Variants in BCAT1 observed in about 807,000 individuals in gnomAD.
BCAT1 encodes branched-chain-amino-acid aminotransferase, cytosolic.
A neutral mutation model predicts 52.4 loss-of-function variants in BCAT1; 48 were observed. The observed-to-expected ratio is 0.92, with a 90% CI of 0.73 to 1.16. The LOEUF (loss-of-function observed/expected upper bound fraction) is 1.16, where lower values mean the gene tolerates loss of function less well. Among genes scored for constraint, BCAT1 ranks in the 50% most tolerant of loss-of-function variants. BCAT1 has a pLI of 0.00. For missense variants in BCAT1, 451 were observed against 457.1 expected, an observed-to-expected ratio of 0.99 and a Z score of 0.12; for synonymous variants, 167 against 161.3, an observed-to-expected ratio of 1.04 and a Z score of -0.27.
At chr12:24,933,358 T>C (rs1183816559) in intron 1 of BCAT1, among the ~76,000 whole-genome samples, 2 of 151,940 alleles carry the variant, frequency 1.3e-5, no homozygotes, top group African/African-American at 2.4e-5. Context: ...TGAGGCACAG[T>C]TTAATAACTT....
intron 5 of BCAT1, among the ~76,000 whole-genome samples, chr12:24,865,533 T>G (rs1314710782): frequency 6.6e-6 from 1 of 152,240 alleles, no homozygotes; most frequent in African/African-American, 2.4e-5. Flanking sequence ...AATTTACTAG[T>G]AACAGTTCTT....
Position 24,829,787 on chromosome 12 carries a change from AAAAGG to A in BCAT1, c.1119+31_1119+35del, listed in dbSNP as rs764210953. The A allele has an allele frequency of 2.8e-6, 4 of 1,453,896 alleles. No individual in the cohort carries two copies. The East Asian group carries it at 6.9e-5, about 25-fold the overall frequency. 90.1% of individuals were successfully genotyped at this position (1,453,896 alleles called of 1,614,324 possible). ...TAAGGTGACATAAAAAAAAGAAAAG[AAAAGG>A]AAAGAAAAGAAAAGAAAAGAAAAGC... On this transcript the variant is annotated intron_variant, in intron 10 of 10. Coordinates refer to ENST00000261192, the MANE Select transcript of BCAT1 (RefSeq NM_005504.7).
intron 5 of BCAT1, among the ~76,000 whole-genome samples, chr12:24,865,639 T>C (rs1404556355): frequency 6.6e-6 from 1 of 152,086 alleles, no homozygotes; most frequent in African/African-American, 2.4e-5. Context: ...GTATGTTATA[T>C]GATACATATA....
chr12:24,925,824 GGGAGTGATCT>G (rs1228708737), intron 1 of BCAT1, among the ~76,000 whole-genome samples: 1 of 152,210 alleles, frequency 6.6e-6, no homozygotes, highest in Non-Finnish European at 1.5e-5. Context: ...GCTCCTAACC[GGGAGTGATCT>G]GCCAGCCTCG....
At chr12:24,900,507 T>C (rs1191818639) in intron 2 of BCAT1, among the ~76,000 whole-genome samples, 1 of 152,164 alleles carries the variant, frequency 6.6e-6, no homozygotes, top group Non-Finnish European at 1.5e-5. Context: ...CACTTGAGTC[T>C]GAGAGATCAA....
In BCAT1 at chr12:24,849,559, CT is replaced by C. The variant is rs1484271902; in HGVS notation, c.674+226del. Reference sequence around the variant, plus strand: ...CCCTTACAAAGGGCCATGGGCTATCCTTTAAACTAGCACATCTAAAAGCGAG... The same window carrying C: ...CCCTTACAAAGGGCCATGGGCTATCCTTAAACTAGCACATCTAAAAGCGAG... On this transcript the variant is annotated intron_variant, in intron 6 of 10. Coordinates refer to ENST00000261192, the MANE Select transcript of BCAT1 (RefSeq NM_005504.7). Among the ~76,000 whole-genome samples, 13 of 152,316 alleles carry C rather than the reference CT, an allele frequency of 8.5e-5. 1 individual carries two copies. In the East Asian group the frequency reaches 2.3e-3, roughly 27 times the overall value.
chr12:24,937,189 T>A (rs899891832), intron 1 of BCAT1, among the ~76,000 whole-genome samples: 5 of 152,198 alleles, frequency 3.3e-5, no homozygotes, highest in African/African-American at 9.6e-5. Flanking sequence ...CTGGGAAACA[T>A]GGGAGTCCCA....
chr12:24,878,949 C>T (rs953176919), intron 4 of BCAT1, among the ~76,000 whole-genome samples: 2 of 152,052 alleles, frequency 1.3e-5, no homozygotes, highest in East Asian at 1.9e-4. Flanking sequence ...ACAATTTTTT[C>T]TGATTTTCCC....
chr12:24,876,776 G>T (rs1212935537), intron 5 of BCAT1, among the ~76,000 whole-genome samples: 1 of 152,116 alleles, frequency 6.6e-6, no homozygotes, highest in East Asian at 1.9e-4. Flanking sequence ...GCACATGCAG[G>T]GAGCAGCACA....
chr12:24,903,224 A>C (rs1943165431), intron 1 of BCAT1: 1 of 906,138 alleles, frequency 1.1e-6, no homozygotes, highest in South Asian at 5.3e-5. Flanking sequence ...GCTAAAACCG[A>C]AGCGGTTGTC....
chr12:24,942,036 A>G (rs10771146), intron 1 of BCAT1, among the ~76,000 whole-genome samples: 132,280 of 152,148 alleles, frequency 0.87, 57,858 homozygotes, highest in East Asian at 1. Context: ...GAGACAATGG[A>G]GAAGCCATAG....
chr12:24,849,216 T>C (rs1356466977), intron 6 of BCAT1, among the ~76,000 whole-genome samples: 1 of 152,282 alleles, frequency 6.6e-6, no homozygotes, highest in Non-Finnish European at 1.5e-5. Flanking sequence ...TGCTCTTTTA[T>C]TTCCTGCCAG....
At chr12:24,936,466 C>T (rs1943754835) in intron 1 of BCAT1, among the ~76,000 whole-genome samples, 1 of 152,202 alleles carries the variant, frequency 6.6e-6, no homozygotes, top group Admixed American at 6.5e-5. Context: ...CTCCTGACCT[C>T]AAGTGATCCA....
At chr12:24,881,019 G>A (rs1277051850) in intron 4 of BCAT1, among the ~76,000 whole-genome samples, 1 of 152,078 alleles carries the variant, frequency 6.6e-6, no homozygotes, top group Non-Finnish European at 1.5e-5. Context: ...ATTTTTTGCA[G>A]AGATGGTGTT....
intron 1 of BCAT1, among the ~76,000 whole-genome samples, chr12:24,945,203 A>G (rs919268331): frequency 6.6e-6 from 1 of 152,212 alleles, no homozygotes; most frequent in Non-Finnish European, 1.5e-5. Flanking sequence ...TGCGTTCACC[A>G]TTGACATTGT....
chr12:24,914,688 A>T (rs1215659542), intron 1 of BCAT1, among the ~76,000 whole-genome samples: 1 of 152,216 alleles, frequency 6.6e-6, no homozygotes, highest in East Asian at 1.9e-4. Flanking sequence ...GTTCAAGTAA[A>T]CCTTCTGAGT....
intron 7 of BCAT1, 93 bp downstream of exon 7, chr12:24,841,989 A>G: frequency 2.1e-6 from 3 of 1,417,402 alleles, no homozygotes; most frequent in Admixed American, 2.0e-5. Context: ...GAACTGTGCT[A>G]CTTACTCCCT....
intron 5 of BCAT1, among the ~76,000 whole-genome samples, chr12:24,864,252 C>G (rs1284869464): frequency 6.6e-6 from 1 of 152,214 alleles, no homozygotes; most frequent in Non-Finnish European, 1.5e-5. Flanking sequence ...TGGCTCCTGC[C>G]TTTGACCTTG....
At chr12:24,940,603 G>T (rs1186011083) in intron 1 of BCAT1, among the ~76,000 whole-genome samples, 1 of 152,156 alleles carries the variant, frequency 6.6e-6, no homozygotes, top group South Asian at 2.1e-4. Flanking sequence ...TATGATTAAT[G>T]TTATATGATT....
Sources: allele counts gnomAD v4.1 joint callset (sites outside exome capture counted in the v4.1 genomes callset), GRCh38; gene constraint gnomAD v4.1.1; transcripts MANE v1.5; gene names NCBI Gene and HGNC (gene_info 2026-07-23, HGNC 2026-07-21).